The following ATMIN variants were observed in gnomAD, a reference collection of about 807,000 sequenced individuals.
ATMIN encodes the protein ATM interactor.
ATMIN carries 24 observed loss-of-function variants against 49.2 expected under a neutral mutation model. That is an observed-to-expected ratio of 0.49 (90% CI 0.35 to 0.69). The LOEUF is 0.69. Among genes scored for constraint, ATMIN ranks in the 30% least tolerant of loss-of-function variants. ATMIN has a pLI of 0.00. For synonymous variants in ATMIN, 450 were observed against 392.5 expected (o/e 1.15, Z -1.73); for missense variants, 1,037 against 1,005.5 (o/e 1.03, Z -0.42).
At position 81,042,416 on chromosome 16, in the gene ATMIN, G is replaced by A. The variant is rs1295601529; in HGVS notation, c.598G>A (p.Ala200Thr). ...CCGGTGCACATGCGGCTGTCCCTAC[G>A]CCAGTAGAACAGCACTGCAGTCTCA... is the stretch of plus-strand genomic sequence containing the variant. ...TFRCTCGCPY[A>T]SRTALQSHIY... Residue 200 changes from alanine to threonine, a missense_variant, in exon 3 of 4, where the codon GCC becomes ACC. Physicochemically the swap from Ala to Thr is moderately conservative, Grantham distance 58. Transcript: ENST00000299575. The A allele has an allele frequency of 3.1e-6, 5 of 1,614,008 alleles. No homozygotes were observed. The highest frequency in any genetic ancestry group is 2.2e-5 in the East Asian group (1 of 44,898).
chr16:81,043,987 G>A lies in ATMIN; in HGVS notation c.1489G>A (p.Gly497Arg), dbSNP rs1971078604. ...GGVSRETQTS[G>R]IESPTDDHVQ... ...GGTCTCCAGAGAAACTCAAACCAGT[G>A]GGATAGAAAGTCCAACGGATGACCA... Residue 497 changes from glycine to arginine, a missense_variant, in exon 4 of 4, where the codon GGG (glycine) becomes AGG (arginine). Gly to Arg is a moderately radical substitution (Grantham distance 125). Transcript: ENST00000299575. 10 of 1,614,178 alleles carry A rather than the reference G, an allele frequency of 6.2e-6. No individual in the cohort carries two copies. Among genetic ancestry groups the A allele is most frequent in the Non-Finnish European group, 6.8e-6 (8 of 1,180,034 alleles).
rs1195403422 is a variant in ATMIN, at chr16:81,042,356, C to T, written c.538C>T (p.Leu180=). The change falls in exon 3 of 4, where the codon CTG becomes TTG. Residue 180 remains leucine, a synonymous_variant. Transcript: ENST00000299575. ...CAATTCGTACGGTACAGAATGGGAC[C>T]TGAAAAGACATGCAGAGGACTGTGG... is the stretch of plus-strand genomic sequence containing the variant. ...CSNSYGTEWD[L]KRHAEDCGKT... The T allele has an allele frequency of 1.9e-6, 3 of 1,614,142 alleles. No homozygotes were observed. Among genetic ancestry groups the T allele is most frequent in the Non-Finnish European group, 2.5e-6 (3 of 1,180,032 alleles).
In ATMIN at chr16:81,043,850, T is replaced by G; in HGVS notation, c.1352T>G (p.Val451Gly). The G allele has an allele frequency of 6.2e-7, 1 of 1,614,198 alleles. No homozygotes were observed. Among genetic ancestry groups the G allele is most frequent in the Non-Finnish European group, 8.5e-7 (1 of 1,179,996 alleles). The change falls in exon 4 of 4, where the codon GTG becomes GGG. Residue 451 changes from valine (V) to glycine (G), a missense_variant. Val to Gly is a moderately radical substitution (Grantham distance 109). Coordinates refer to ENST00000299575, the MANE Select transcript of ATMIN (RefSeq NM_015251.3). ...SQTDLSFDSQVSLPISVHTQT... is the reference protein window; with the variant it reads ...SQTDLSFDSQGSLPISVHTQT... ...ACTGATTTGTCGTTTGATTCTCAAG[T>G]GTCTCTTCCCATTAGTGTTCACACT...
At chr16:81,038,687 G>C (rs962108582) in intron 1 of ATMIN, among the ~76,000 whole-genome samples, 3 of 152,110 alleles carry the variant, frequency 2.0e-5, no homozygotes, top group Non-Finnish European at 4.4e-5. Flanking sequence ...GTCTTGCTCT[G>C]TTAACCCAGG....
chr16:81,040,370 C>T (rs568101319), intron 1 of ATMIN, among the ~76,000 whole-genome samples: 145 of 152,182 alleles, frequency 9.5e-4, no homozygotes, highest in African/African-American at 3.4e-3. Flanking sequence ...GGGGTGTTGG[C>T]TCTCAGAAAA....
chr16:81,042,970 A>G (rs1971059152), intron 3 of ATMIN, among the ~76,000 whole-genome samples, 191 bp from the exon 4 acceptor site: 1 of 152,132 alleles, frequency 6.6e-6, no homozygotes, highest in Non-Finnish European at 1.5e-5. Context: ...CTCTGTTTGC[A>G]TGTTTCTCAA....
rs1424899379 is a variant in ATMIN, at chr16:81,044,469, C to T, written c.1971C>T (p.Ser657=). Residue 657 remains serine (S), a synonymous_variant, in exon 4 of 4, where the codon AGC becomes AGT. Coordinates refer to ENST00000299575, the MANE Select transcript of ATMIN (RefSeq NM_015251.3). The stretch of plus-strand genomic sequence containing the variant: ...CTCAAACTGAAGAGAGTGAACTTAG[C>T]ACCATGACCACCGAGCCAGTCTTGG... ...IQTQTEESEL[S]TMTTEPVLES... is the part of the protein sequence containing the mutation. The T allele has an allele frequency of 1.2e-6, 2 of 1,613,940 alleles. No individual in the cohort carries two copies. Among genetic ancestry groups the T allele is most frequent in the East Asian group, 2.2e-5 (1 of 44,860 alleles).
At position 81,042,196 on chromosome 16, in the gene ATMIN, A is replaced by T. The variant is rs930479782; in HGVS notation, c.463-85A>T. ...TTATTTATATTAATAGTGTAAAATC[A>T]TTATTAATTTGGGTGTATGATGGTT... On this transcript the variant is annotated intron_variant, in intron 2 of 3. Transcript: ENST00000299575. 1.3e-5 allele frequency: 15 copies of T among 1,150,538 alleles called. No individual in the cohort carries two copies. The African/African-American group carries it at 2.3e-4, about 18-fold the overall frequency. 71.3% of individuals were successfully genotyped at this position (1,150,538 alleles called of 1,614,324 possible). A position where few individuals can be genotyped will look rare whatever the true frequency, so the allele number is the denominator to read the frequency against.
intron 1 of ATMIN, 92 bp downstream of exon 1, chr16:81,036,298 A>ATTTACTTCT: frequency 9.2e-7 from 1 of 1,082,212 alleles, no homozygotes; most frequent in Non-Finnish European, 1.1e-6. Flanking sequence ...CGGGGGGACG[A>ATTTACTTCT]GCGCCCTGCG....
Position 81,043,548 on chromosome 16 carries a change from C to T in ATMIN, c.1050C>T (p.Thr350=), listed in dbSNP as rs1189051904. The T allele has an allele frequency of 4.3e-6, 7 of 1,614,028 alleles. No homozygotes were observed. The highest frequency in any genetic ancestry group is 5.9e-6 in the Non-Finnish European group (7 of 1,180,014). Residue 350 remains threonine, a synonymous_variant, in exon 4 of 4, where the codon ACC becomes ACT. Coordinates refer to ENST00000299575, the MANE Select transcript of ATMIN (RefSeq NM_015251.3). The stretch of plus-strand genomic sequence containing the variant: ...ACTTAATGCCCTTGTCAGTAGGAAC[C>T]CTGATCCTCGGCCTAGATTCAGAGG... ...AVHLMPLSVG[T]LILGLDSEAC...
chr16:81,045,544 C>G lies in ATMIN; in HGVS notation c.*574C>G, dbSNP rs1193344400. 1 of 153,172 alleles carries G rather than the reference C, an allele frequency of 6.5e-6. No individual in the cohort carries two copies. The highest frequency in any genetic ancestry group is 1.5e-5 in the Non-Finnish European group (1 of 68,806). The allele number at this position is 153,172 out of a possible 1,614,324, so 9.5% of individuals were successfully genotyped here. On this transcript the variant is annotated 3_prime_UTR_variant, in exon 4 of 4. Transcript: ENST00000299575. Reference sequence around the variant, plus strand: ...TCTGATTTAAAGACACCAAGGAAAACTACAACTGTCTTTAGCTTTGAAGCA... The same window carrying G: ...TCTGATTTAAAGACACCAAGGAAAAGTACAACTGTCTTTAGCTTTGAAGCA...
chr16:81,044,141 C>T lies in ATMIN; in HGVS notation c.1643C>T (p.Pro548Leu). 6.2e-7 allele frequency: 1 copy of T among 1,614,116 alleles called. No individual in the cohort carries two copies. The highest frequency in any genetic ancestry group is 2.2e-5 in the East Asian group (1 of 44,886). ...VAETVTHSLL[P>L]QNEPKTLNQD... ...GAGACAGTAACTCATAGTTTGTTAC[C>T]TCAGAATGAGCCTAAGACTTTAAAT... The change falls in exon 4 of 4, where the codon CCT (proline) becomes CTT (leucine). Residue 548 changes from proline (P) to leucine (L), a missense_variant. Physicochemically the swap from Pro to Leu is moderately conservative, Grantham distance 98 (BLOSUM62 -3). Transcript: ENST00000299575.
Position 81,046,455 on chromosome 16 carries a change from TTTC to T in ATMIN, c.*1488_*1490del, listed in dbSNP as rs1485595369. The T allele has an allele frequency of 6.6e-6, 1 of 152,200 alleles. No individual in the cohort carries two copies. The highest frequency in any genetic ancestry group is 1.5e-5 in the Non-Finnish European group (1 of 68,034). 9.4% of individuals were successfully genotyped at this position (152,200 alleles called of 1,614,324 possible). A position where few individuals can be genotyped will look rare whatever the true frequency, so the allele number is the denominator to read the frequency against. On this transcript the variant is annotated 3_prime_UTR_variant, in exon 4 of 4. Coordinates refer to ENST00000299575, the MANE Select transcript of ATMIN (RefSeq NM_015251.3). Reference sequence around the variant, plus strand: ...TATGGTATTCTGCATTTTGGTTTTTTTTCTTAAGTGAATAATACCAGTCTTCAA... The same window carrying T: ...TATGGTATTCTGCATTTTGGTTTTTTTTAAGTGAATAATACCAGTCTTCAA...
intron 1 of ATMIN, among the ~76,000 whole-genome samples, chr16:81,039,861 C>T (rs1189878339): frequency 1.3e-5 from 2 of 152,158 alleles, no homozygotes; most frequent in Non-Finnish European, 2.9e-5. Context: ...TTCCAAGTTA[C>T]TCTATAGACT....
chr16:81,036,376 G>A (rs1308841453), intron 1 of ATMIN, among the ~76,000 whole-genome samples, 170 bp downstream of exon 1: 1 of 151,914 alleles, frequency 6.6e-6, no homozygotes, highest in Non-Finnish European at 1.5e-5. Flanking sequence ...GAACCCTCGC[G>A]GCAGGCGCCG....
In ATMIN at chr16:81,041,086, C is replaced by A. The variant is rs111327838; in HGVS notation, c.337-270C>A. 124 of 347,714 alleles carry A rather than the reference C, an allele frequency of 3.6e-4. 2 individuals are homozygous for A. Among genetic ancestry groups the A allele is most frequent in the African/African-American group, 1.4e-3 (68 of 47,262 alleles). The allele number at this position is 347,714 out of a possible 1,614,324, so 21.5% of individuals were successfully genotyped here. A position where few individuals can be genotyped will look rare whatever the true frequency, so the allele number is the denominator to read the frequency against. On this transcript the variant is annotated intron_variant, in intron 1 of 3. Transcript: ENST00000299575. ...GAGCATTTCACAGCCTAGGAACATA[C>A]AAGGGGGGCATCTCCCTGGAATGTA...
At chr16:81,039,315 T>A (rs1343799261) in intron 1 of ATMIN, among the ~76,000 whole-genome samples, 2 of 152,168 alleles carry the variant, frequency 1.3e-5, no homozygotes, top group Non-Finnish European at 2.9e-5. Context: ...ATAATTTCTT[T>A]CATTGTTTAT....
In ATMIN at chr16:81,046,538, T is replaced by G. The variant is rs1971123713; in HGVS notation, c.*1568T>G. ...ATAATCAAGAATGCTTTGTGTGTTT[T>G]GAGGTAGGAGCATGATCAAGTATGC... On this transcript the variant is annotated 3_prime_UTR_variant, in exon 4 of 4. Coordinates refer to ENST00000299575, the MANE Select transcript of ATMIN (RefSeq NM_015251.3). The G allele has an allele frequency of 6.6e-6, 1 of 152,128 alleles. No homozygotes were observed. The highest frequency in any genetic ancestry group is 2.4e-5 in the African/African-American group (1 of 41,412). The allele number at this position is 152,128 out of a possible 1,614,324, so 9.4% of individuals were successfully genotyped here.
chr16:81,037,634 GTGTTTTTT>G (rs1366320204), intron 1 of ATMIN: 2 of 526,448 alleles, frequency 3.8e-6, no homozygotes, highest in African/African-American at 4.2e-5. Flanking sequence ...TATTGTTTTT[GTGTTTTTT>G]TGTTTGTTTT....
Sources: gnomAD v4.1 joint callset for allele counts (sites outside exome capture counted in the v4.1 genomes callset) on GRCh38, gnomAD v4.1.1 for gene constraint, MANE v1.5 for transcripts, NCBI Gene and HGNC (gene_info 2026-07-23, HGNC 2026-07-21) for gene names.